Variants in PPP2R2B observed in about 807,000 individuals in gnomAD.
PPP2R2B encodes protein phosphatase 2 regulatory subunit Bbeta.
PPP2R2B carries 5 observed loss-of-function variants against 46.0 expected under a neutral mutation model. The observed-to-expected ratio is 0.11, with a 90% confidence interval of 0.06 to 0.23. PPP2R2B has a LOEUF of 0.23. Ranked by LOEUF, PPP2R2B falls within the 10% of genes least tolerant of loss-of-function variation. The pLI is 1.00. For missense variants in PPP2R2B, 367 were observed against 575.0 expected, an observed-to-expected ratio of 0.64 and a Z score of 3.70; for synonymous variants, 215 against 206.7, an observed-to-expected ratio of 1.04 and a Z score of -0.34.
intron 5 of PPP2R2B, among the ~76,000 whole-genome samples, chr5:146,685,740 T>C (rs1778455099): frequency 6.6e-6 from 1 of 152,166 alleles, no homozygotes; most frequent in African/African-American, 2.4e-5. Context: ...TGGAGATTCA[T>C]GAGACTGTGA....
chr5:146,923,462 T>C (rs1410475358), intron 1 of PPP2R2B, among the ~76,000 whole-genome samples: 1 of 152,218 alleles, frequency 6.6e-6, no homozygotes, highest in Non-Finnish European at 1.5e-5. Context: ...AGCCTAATTA[T>C]GAAAACACGA....
At chr5:147,015,751 A>G (rs573508101) in intron 1 of PPP2R2B, among the ~76,000 whole-genome samples, 3 of 148,924 alleles carry the variant, frequency 2.0e-5, no homozygotes, top group African/African-American at 7.4e-5. Context: ...ATATATTCTT[A>G]ATATAATATA....
At chr5:146,735,795 T>A (rs1396443576) in intron 2 of PPP2R2B, among the ~76,000 whole-genome samples, 7 of 152,164 alleles carry the variant, frequency 4.6e-5, no homozygotes, top group Admixed American at 6.5e-5. Flanking sequence ...AGCAGCAGGA[T>A]CCTACCTGAT....
At chr5:147,029,259 T>C (rs914686272) in intron 1 of PPP2R2B, among the ~76,000 whole-genome samples, 1 of 152,214 alleles carries the variant, frequency 6.6e-6, no homozygotes, top group Non-Finnish European at 1.5e-5. Context: ...TATGTTATAG[T>C]CTAGAAAGTT....
rs191974089 is a variant in PPP2R2B, at chr5:146,872,923, G to A, written c.70+5079C>T. Among the ~76,000 whole-genome samples the A allele has an allele frequency of 3.7e-3, 560 of 152,192 alleles. 2 individuals carry two copies. The highest frequency in any genetic ancestry group is 5.5e-3 in the Non-Finnish European group (375 of 68,012). On this transcript the variant is annotated intron_variant, in intron 2 of 9. Coordinates refer to ENST00000394411, the MANE Select transcript of PPP2R2B (RefSeq NM_181675.4). The stretch of plus-strand genomic sequence containing the variant: ...TTGCCCTGAAATGTTCTTATCTGAG[G>A]CATCTCATCTATTCATACAGTTTTA...
intron 2 of PPP2R2B, among the ~76,000 whole-genome samples, chr5:146,870,282 T>C (rs978787508): frequency 7.9e-5 from 12 of 152,152 alleles, no homozygotes; most frequent in Admixed American, 7.9e-4. Context: ...CTAACTCCTA[T>C]GTGACTGTAT....
chr5:146,818,255 T>C (rs1376305161), intron 2 of PPP2R2B, among the ~76,000 whole-genome samples: 1 of 152,126 alleles, frequency 6.6e-6, no homozygotes, highest in Admixed American at 6.6e-5. Flanking sequence ...CCATAGCACT[T>C]AGTACTGTGT....
intron 2 of PPP2R2B, among the ~76,000 whole-genome samples, chr5:146,788,424 T>C (rs963113392): frequency 6.6e-6 from 1 of 151,776 alleles, no homozygotes; most frequent in African/African-American, 2.4e-5. Context: ...TTAAGTAATT[T>C]GGAAAATTAC....
intron 1 of PPP2R2B, among the ~76,000 whole-genome samples, chr5:146,896,145 C>T (rs1262582688): frequency 6.6e-6 from 1 of 152,000 alleles, no homozygotes; most frequent in Non-Finnish European, 1.5e-5. Flanking sequence ...GGAAGAAGTG[C>T]TTTTTTACCC....
intron 1 of PPP2R2B, among the ~76,000 whole-genome samples, chr5:146,999,432 T>TA (rs1200326141): frequency 6.6e-6 from 1 of 152,136 alleles, no homozygotes; most frequent in Non-Finnish European, 1.5e-5. Context: ...ACTTTGGAGT[T>TA]AAAAAACAAA....
chr5:146,934,583 GAAAAAAAA>G (rs3062352), intron 1 of PPP2R2B, among the ~76,000 whole-genome samples: 5 of 31,490 alleles, frequency 1.6e-4, no homozygotes, highest in Non-Finnish European at 3.2e-4. Flanking sequence ...TTTTTCATAA[GAAAAAAAA>G]AAAAAAAAAA....
chr5:146,638,209 G>C (rs189007853), intron 7 of PPP2R2B, 42 bp downstream of exon 7: 1 of 1,590,020 alleles, frequency 6.3e-7, no homozygotes, highest in Non-Finnish European at 8.6e-7. Context: ...GCACATTGGG[G>C]CCAGTGGCCA....
At chr5:146,716,177 G>A (rs1780487484) in intron 2 of PPP2R2B, among the ~76,000 whole-genome samples, 1 of 148,538 alleles carries the variant, frequency 6.7e-6, no homozygotes, top group Admixed American at 6.6e-5. Context: ...AAATAAAAAA[G>A]TAAATACACA....
At chr5:146,979,526 C>G (rs1338307053) in intron 1 of PPP2R2B, among the ~76,000 whole-genome samples, 1 of 150,406 alleles carries the variant, frequency 6.6e-6, no homozygotes, top group East Asian at 2.0e-4. Context: ...TTAAATGAAC[C>G]AATGAACCAA....
At chr5:146,858,342 A>T (rs1050230145) in intron 2 of PPP2R2B, among the ~76,000 whole-genome samples, 3 of 152,222 alleles carry the variant, frequency 2.0e-5, no homozygotes, top group African/African-American at 7.2e-5. Flanking sequence ...TTCTAAAACT[A>T]CTAAAAACAA....
chr5:146,666,642 A>G (rs1041147432), intron 5 of PPP2R2B, among the ~76,000 whole-genome samples: 2 of 152,128 alleles, frequency 1.3e-5, no homozygotes, highest in Non-Finnish European at 2.9e-5. Flanking sequence ...ACAGCTCTCA[A>G]CCCATCTCCT....
At chr5:146,855,541 GACC>G (rs1205598264) in intron 2 of PPP2R2B, among the ~76,000 whole-genome samples, 1 of 151,890 alleles carries the variant, frequency 6.6e-6, no homozygotes, top group Non-Finnish European at 1.5e-5. Context: ...TTTGAACTGT[GACC>G]ACCTTTTAAA....
intron 2 of PPP2R2B, among the ~76,000 whole-genome samples, chr5:147,072,937 C>A (rs908266288): frequency 2.6e-5 from 4 of 152,180 alleles, no homozygotes; most frequent in African/African-American, 4.8e-5. Flanking sequence ...CTCTAGCAAG[C>A]CTTCCCTGCT....
chr5:146,630,832 T>C (rs1774377830), intron 7 of PPP2R2B, among the ~76,000 whole-genome samples: 1 of 152,240 alleles, frequency 6.6e-6, no homozygotes, highest in African/African-American at 2.4e-5. Context: ...GGCATCATTC[T>C]AAGGCTCCAC....
Sources: gnomAD v4.1 joint callset for allele counts (sites outside exome capture counted in the v4.1 genomes callset) on GRCh38, gnomAD v4.1.1 for gene constraint, MANE v1.5 for transcripts, NCBI Gene and HGNC (gene_info 2026-07-23, HGNC 2026-07-21) for gene names.